IL2RB: variants seen among roughly 807,000 people sequenced by gnomAD.
IL2RB encodes interleukin-2 receptor subunit beta.
IL2RB carries 17 observed loss-of-function variants against 44.2 expected under a neutral mutation model. That is an observed-to-expected ratio of 0.38 (90% confidence interval 0.26 to 0.58). The LOEUF (loss-of-function observed/expected upper bound fraction) is 0.58, where lower values mean the gene tolerates loss of function less well. Ranked by LOEUF, IL2RB falls within the 20% of genes least tolerant of loss-of-function variation. The pLI is 0.63. For synonymous variants in IL2RB, 286 were observed against 297.9 expected (o/e 0.96, Z 0.41); for missense variants, 624 against 685.5 (o/e 0.91, Z 1.00).
At chr22:37,168,923 C>T (rs769953380) in intron 1 of IL2RB, among the ~76,000 whole-genome samples, 23 of 151,866 alleles carry the variant, frequency 1.5e-4, no homozygotes, top group Non-Finnish European at 3.2e-4. Context: ...GTTCTGTTTA[C>T]AGAGGGATGC....
At chr22:37,156,569 G>A (rs781309189) in intron 1 of IL2RB, among the ~76,000 whole-genome samples, 6 of 152,126 alleles carry the variant, frequency 3.9e-5, no homozygotes, top group South Asian at 2.1e-4. Flanking sequence ...TCACCTCTGC[G>A]TTCCTGCAGA....
intron 1 of IL2RB, among the ~76,000 whole-genome samples, chr22:37,158,181 C>T (rs114671104): frequency 6.6e-5 from 10 of 152,220 alleles, no homozygotes; most frequent in South Asian, 2.1e-4. Flanking sequence ...CAACAAAATG[C>T]GCATCCATAG....
intron 7 of IL2RB, among the ~76,000 whole-genome samples, 188 bp from the exon 8 acceptor site, chr22:37,135,630 G>A (rs1320054049): frequency 6.6e-6 from 1 of 152,158 alleles, no homozygotes; most frequent in Non-Finnish European, 1.5e-5. Flanking sequence ...GAAATGACAC[G>A]GTGGCATTCT....
At chr22:37,144,468 A>G (rs546662382) in intron 1 of IL2RB, among the ~76,000 whole-genome samples, 37 of 152,314 alleles carry the variant, frequency 2.4e-4, no homozygotes, top group African/African-American at 8.9e-4. Flanking sequence ...CGTCGTGGCC[A>G]GGCGTGTGGC....
At chr22:37,140,223 G>A (rs1196021574) in intron 4 of IL2RB, among the ~76,000 whole-genome samples, 1 of 151,850 alleles carries the variant, frequency 6.6e-6, no homozygotes, top group Non-Finnish European at 1.5e-5. Context: ...CCACCCTATA[G>A]ACCCTGTCCT....
Position 37,143,655 on chromosome 22 carries a change from G to C in IL2RB, c.89-20C>G. 1.3e-6 allele frequency: 2 copies of C among 1,568,860 alleles called. No homozygotes were observed. The highest frequency in any genetic ancestry group is 1.7e-4 in the Middle Eastern group (1 of 5,966). On this transcript the variant is annotated intron_variant, in intron 2 of 9. Transcript: ENST00000216223. ...AAGTGCCTGCCGGGCAAGATGAGGT[G>C]TGAGTGCTGACTGTAGGTGCCCACA...
chr22:37,174,420 A>G (rs1277041434), intron 1 of IL2RB, among the ~76,000 whole-genome samples: 1 of 152,122 alleles, frequency 6.6e-6, no homozygotes, highest in Non-Finnish European at 1.5e-5. Context: ...TCAGCTGGGG[A>G]ACCGTATATG....
At chr22:37,164,698 C>G (rs1325214496) in intron 1 of IL2RB, among the ~76,000 whole-genome samples, 1 of 152,044 alleles carries the variant, frequency 6.6e-6, no homozygotes, top group Non-Finnish European at 1.5e-5. Flanking sequence ...CTGAACAGCC[C>G]ACCTCAGAGA....
At chr22:37,158,399 A>T (rs543872077) in intron 1 of IL2RB, among the ~76,000 whole-genome samples, 49 of 151,886 alleles carry the variant, frequency 3.2e-4, no homozygotes, top group African/African-American at 1.1e-3. Flanking sequence ...AATAAAAATT[A>T]AAAAAAAATT....
At chr22:37,156,225 C>G (rs1922675530) in intron 1 of IL2RB, among the ~76,000 whole-genome samples, 1 of 152,216 alleles carries the variant, frequency 6.6e-6, no homozygotes, top group Non-Finnish European at 1.5e-5. Flanking sequence ...ACCCTGCCAT[C>G]ATTCTGACCT....
chr22:37,148,222 G>C (rs1051245053), intron 1 of IL2RB, among the ~76,000 whole-genome samples: 2 of 152,216 alleles, frequency 1.3e-5, no homozygotes, highest in African/African-American at 4.8e-5. Context: ...CAGAGTCCAC[G>C]GGAGGATGGT....
rs1288865859 is a variant in IL2RB at position 37,129,666 on chromosome 22, CT to C, written c.904-819del. 5.9e-5 allele frequency among the ~76,000 whole-genome samples: 9 copies of C among 152,340 alleles called. No homozygotes were observed. In the East Asian group the frequency reaches 1.4e-3, roughly 23 times the overall value. On this transcript the variant is annotated intron_variant, in intron 9 of 9. Transcript: ENST00000216223. Reference sequence around the variant, plus strand: ...CAACAGCCACGTCTCTCCTGACTTCCTTGCTGTCACCCATCAGGTCACCAAG... The same window carrying C: ...CAACAGCCACGTCTCTCCTGACTTCCTGCTGTCACCCATCAGGTCACCAAG...
intron 1 of IL2RB, among the ~76,000 whole-genome samples, chr22:37,155,355 G>C (rs951738975): frequency 1.3e-5 from 2 of 152,068 alleles, no homozygotes; most frequent in African/African-American, 4.8e-5. Flanking sequence ...CTCAAATCAC[G>C]TCATTTCACC....
intron 9 of IL2RB, among the ~76,000 whole-genome samples, chr22:37,131,543 T>C (rs1601595235): frequency 6.6e-6 from 1 of 152,286 alleles, no homozygotes; most frequent in East Asian, 1.9e-4. Context: ...ACTTTAAAAA[T>C]GAATCGGTGT....
At chr22:37,168,736 A>G (rs932518812) in intron 1 of IL2RB, among the ~76,000 whole-genome samples, 2 of 152,244 alleles carry the variant, frequency 1.3e-5, no homozygotes, top group Non-Finnish European at 2.9e-5. Flanking sequence ...GGCCCAAGAC[A>G]GAGGGAGCTG....
At chr22:37,164,678 C>T (rs1457191442) in intron 1 of IL2RB, among the ~76,000 whole-genome samples, 2 of 151,986 alleles carry the variant, frequency 1.3e-5, no homozygotes, top group Non-Finnish European at 2.9e-5. Context: ...TGCAGACCAC[C>T]AAGGAGGCTC....
chr22:37,172,429 G>T (rs1021764307), intron 1 of IL2RB, among the ~76,000 whole-genome samples: 1 of 152,140 alleles, frequency 6.6e-6, no homozygotes, highest in Non-Finnish European at 1.5e-5. Flanking sequence ...AGCTGGCCCT[G>T]CTAGGGTTGG....
intron 3 of IL2RB, 73 bp from the exon 4 acceptor site, chr22:37,142,585 A>G (rs1398639951): frequency 1.4e-6 from 2 of 1,458,198 alleles, no homozygotes; most frequent in East Asian, 4.5e-5. Context: ...CTCTTCTCAG[A>G]TCTCTCTGCT....
At chr22:37,165,926 G>T (rs1601614180) in intron 1 of IL2RB, among the ~76,000 whole-genome samples, 2 of 152,136 alleles carry the variant, frequency 1.3e-5, no homozygotes, top group African/African-American at 2.4e-5. Context: ...TTCTCCCTAC[G>T]GCAAGGAAGT....
Sources: allele counts gnomAD v4.1 joint callset (sites outside exome capture counted in the v4.1 genomes callset), GRCh38; gene constraint gnomAD v4.1.1; transcripts MANE v1.5; gene names NCBI Gene and HGNC (gene_info 2026-07-23, HGNC 2026-07-21).